Variants in ZNF564 observed in about 807,000 individuals in gnomAD.
ZNF564 encodes the protein zinc finger protein 564.
In ZNF564, 5 loss-of-function variants were observed where a neutral mutation model predicts 10.5. The ratio of observed to expected loss-of-function variants is 0.48; its 90% CI spans 0.25 to 1.00. The LOEUF is 1.00. ZNF564 is among the 50% of genes least tolerant of loss of function. The probability of loss-of-function intolerance (pLI) is 0.16; values close to 1 mark genes in which losing one functional copy is unlikely to be tolerated. For missense variants in ZNF564, 603 were observed against 669.7 expected (o/e 0.90, Z 1.10); for synonymous variants, 242 against 218.1 (o/e 1.11, Z -0.97).
At chr19:12,543,943 C>T (rs1328495823) in intron 1 of ZNF564, among the ~76,000 whole-genome samples, 3 of 152,132 alleles carry the variant, frequency 2.0e-5, no homozygotes, top group African/African-American at 7.2e-5. Flanking sequence ...CTTGCTTCCT[C>T]TCTCCTCTGC....
intron 1 of ZNF564, among the ~76,000 whole-genome samples, chr19:12,532,747 AAAAT>A (rs2021834347): frequency 6.6e-6 from 1 of 151,944 alleles, no homozygotes; most frequent in Non-Finnish European, 1.5e-5. Context: ...TTAAATTTTT[AAAAT>A]AAATAAAGAG....
chr19:12,547,151 C>G (rs1032950395), intron 1 of ZNF564, among the ~76,000 whole-genome samples: 2 of 152,162 alleles, frequency 1.3e-5, no homozygotes, highest in Non-Finnish European at 2.9e-5. Flanking sequence ...CTCACTGGAG[C>G]CTTGATCTTC....
At chr19:12,551,269 T>G in intron 1 of ZNF564, 61 bp downstream of exon 1, 31 of 1,555,220 alleles carry the variant, frequency 2.0e-5, no homozygotes, top group Non-Finnish European at 2.5e-5. Flanking sequence ...CCACAGCCGG[T>G]TCCGGCCGGT....
chr19:12,542,927 C>T (rs951699689), intron 1 of ZNF564, among the ~76,000 whole-genome samples: 7 of 150,616 alleles, frequency 4.6e-5, no homozygotes, highest in East Asian at 4.0e-4. Context: ...AATTGAATCC[C>T]GGAGGCAGAG....
intron 2 of ZNF564, 97 bp from the exon 3 acceptor site, chr19:12,528,461 T>A: frequency 6.3e-7 from 1 of 1,577,566 alleles, no homozygotes. Flanking sequence ...AACCCTGATT[T>A]ATTCACCCAA....
chr19:12,540,330 A>G (rs2022017769), intron 1 of ZNF564, among the ~76,000 whole-genome samples: 1 of 152,166 alleles, frequency 6.6e-6, no homozygotes, highest in Admixed American at 6.6e-5. Context: ...CTCATATGCA[A>G]TATGTTTAGT....
chr19:12,549,678 G>C (rs1361628293), intron 1 of ZNF564, among the ~76,000 whole-genome samples: 2 of 152,080 alleles, frequency 1.3e-5, no homozygotes, highest in African/African-American at 4.8e-5. Context: ...CGTCCCAAAG[G>C]GTAAACTTTT....
intron 1 of ZNF564, among the ~76,000 whole-genome samples, chr19:12,544,840 T>C (rs1313100294): frequency 6.6e-6 from 1 of 152,188 alleles, no homozygotes; most frequent in African/African-American, 2.4e-5. Flanking sequence ...CAAGGAGAAC[T>C]ATCCTTTCTC....
rs117210777 is a variant in ZNF564, at chr19:12,543,921, G to A, written c.3+7409C>T. 3.6e-3 allele frequency among the ~76,000 whole-genome samples: 549 copies of A among 152,216 alleles called. 3 individuals are homozygous for A. The highest frequency in any genetic ancestry group is 6.3e-3 in the Non-Finnish European group (427 of 68,010). On this transcript the variant is annotated intron_variant, in intron 1 of 3. Coordinates refer to ENST00000339282, the MANE Select transcript of ZNF564 (RefSeq NM_144976.4). ...TGGGATTAGCACCTTTAGAAGAAAT[G>A]ACAGGAGACAGCTTGCTTCCTCTCT...
At position 12,526,318 on chromosome 19, in the gene ZNF564, A is replaced by G. The variant is rs2021679385; in HGVS notation, c.*128T>C. ...AAAATATGAGACAGGCACAGGATAG[A>G]GATTCCTATTCCAAAAGTGAGAAAC... On this transcript the variant is annotated 3_prime_UTR_variant, in exon 4 of 4. Transcript: ENST00000339282. The G allele has an allele frequency of 3.1e-6, 3 of 969,602 alleles. No individual in the cohort carries two copies. In the Admixed American group the frequency reaches 8.2e-5, roughly 27 times the overall value. The allele number at this position is 969,602 out of a possible 1,614,324, so 60.1% of individuals were successfully genotyped here.
At chr19:12,533,727 C>CAAAAAAAAAAA (rs59631972) in intron 1 of ZNF564, among the ~76,000 whole-genome samples, 1 of 29,172 alleles carries the variant, frequency 3.4e-5, no homozygotes, top group Non-Finnish European at 5.5e-5. Flanking sequence ...CTGCTGTCTC[C>CAAAAAAAAAAA]AAAAAAAAAA....
chr19:12,544,905 AT>A (rs2022121626), intron 1 of ZNF564, among the ~76,000 whole-genome samples: 1 of 152,154 alleles, frequency 6.6e-6, no homozygotes, highest in Non-Finnish European at 1.5e-5. Context: ...GGAAACCCAC[AT>A]TCAGAAGGTT....
intron 1 of ZNF564, chr19:12,541,641 T>G (rs2022051637): frequency 6.6e-6 from 1 of 152,154 alleles, no homozygotes; most frequent in African/African-American, 2.4e-5. Context: ...TGATATATGC[T>G]TAAGCTGTCC....
intron 1 of ZNF564, among the ~76,000 whole-genome samples, chr19:12,536,881 G>C (rs2021926044): frequency 1.3e-5 from 2 of 152,166 alleles, no homozygotes; most frequent in Admixed American, 6.6e-5. Flanking sequence ...ACTTTTAACA[G>C]ATGGTTTTTA....
intron 1 of ZNF564, among the ~76,000 whole-genome samples, chr19:12,541,977 C>A (rs1040830515): frequency 7.5e-6 from 1 of 132,626 alleles, no homozygotes; most frequent in African/African-American, 2.8e-5. Context: ...GATTGTGCCA[C>A]TGCACTCCAG....
rs2021668212 is a variant in ZNF564 at position 12,525,702 on chromosome 19, T to C, written c.*744A>G. ...CTTAGCTTGGGTTGCTAAAACAAAA[T>C]ACCATAAATTGGAAAGCTTAATTAA... On this transcript the variant is annotated 3_prime_UTR_variant, in exon 4 of 4. Transcript: ENST00000339282. 1 of 152,206 alleles carries C rather than the reference T, an allele frequency of 6.6e-6. No individual in the cohort carries two copies. The highest frequency in any genetic ancestry group is 2.4e-5 in the African/African-American group (1 of 41,450). The allele number at this position is 152,206 out of a possible 1,614,324, so 9.4% of individuals were successfully genotyped here.
Position 12,551,420 on chromosome 19 carries a change from C to A in ZNF564, c.-88G>T. ...AGCGCGCCAGACGCTGCGGTGGAGC[C>A]ACCGGGGCCACTGGAGAAGCGGAGA... is the stretch of plus-strand genomic sequence containing the variant. On this transcript the variant is annotated 5_prime_UTR_variant, in exon 1 of 4. Transcript: ENST00000339282. 2.0e-6 allele frequency: 3 copies of A among 1,466,586 alleles called. No homozygotes were observed. Among genetic ancestry groups the A allele is most frequent in the Non-Finnish European group, 2.7e-6 (3 of 1,104,786 alleles). 90.8% of individuals were successfully genotyped at this position (1,466,586 alleles called of 1,614,324 possible).
chr19:12,528,175 C>T, intron 3 of ZNF564, 129 bp downstream of exon 3: 2 of 998,826 alleles, frequency 2.0e-6, no homozygotes, highest in African/African-American at 1.6e-5. Flanking sequence ...GCCACTTTTT[C>T]TTTTTCTGGT....
In ZNF564 at chr19:12,551,400, G is replaced by A; in HGVS notation, c.-68C>T. ...CTCCGGCCTGTGCAGGTCCCAGCGCGCCAGACGCTGCGGTGGAGCCACCGG... is the reference window on the plus strand; with the variant it reads ...CTCCGGCCTGTGCAGGTCCCAGCGCACCAGACGCTGCGGTGGAGCCACCGG... On this transcript the variant is annotated 5_prime_UTR_variant, in exon 1 of 4. Coordinates refer to ENST00000339282, the MANE Select transcript of ZNF564 (RefSeq NM_144976.4). The A allele has an allele frequency of 2.7e-6, 4 of 1,499,336 alleles. No individual in the cohort carries two copies. Among genetic ancestry groups the A allele is most frequent in the African/African-American group, 1.4e-5 (1 of 70,092 alleles). The allele number at this position is 1,499,336 out of a possible 1,614,324, so 92.9% of individuals were successfully genotyped here.
Sources: gnomAD v4.1 joint callset for allele counts (sites outside exome capture counted in the v4.1 genomes callset) on GRCh38, gnomAD v4.1.1 for gene constraint, MANE v1.5 for transcripts, NCBI Gene and HGNC (gene_info 2026-07-23, HGNC 2026-07-21) for gene names.